TWNK: variants seen among roughly 807,000 people sequenced by gnomAD.
TWNK encodes the protein twinkle mtDNA helicase, also known as T7 gp4-like protein with intramitochondrial nucleoid localization.
Under a neutral mutation model 58.2 loss-of-function variants are expected in TWNK, and 36 were observed. The observed-to-expected ratio is 0.62, with a 90% confidence interval of 0.47 to 0.82. The LOEUF (loss-of-function observed/expected upper bound fraction) is 0.82. Among genes scored for constraint, TWNK ranks in the 40% least tolerant of loss-of-function variants. The pLI, the probability that TWNK is intolerant of heterozygous loss-of-function variation, is 0.00. For missense variants in TWNK, 714 were observed against 881.0 expected (o/e 0.81, Z 2.40); for synonymous variants, 349 against 348.5 (o/e 1.00, Z -0.02).
chr10:100,992,037 A>G (rs1245684883), intron 4 of TWNK, among the ~76,000 whole-genome samples: 1 of 143,376 alleles, frequency 7.0e-6, no homozygotes, highest in Non-Finnish European at 1.5e-5. Flanking sequence ...TATATATAAT[A>G]TATATATATT....
rs1851678063 is a variant in TWNK, at chr10:100,988,996, G to A, written c.786G>A (p.Leu262=). 1.9e-6 allele frequency: 3 copies of A among 1,614,194 alleles called. No individual in the cohort carries two copies. The highest frequency in any genetic ancestry group is 1.7e-6 in the Non-Finnish European group (2 of 1,180,030). ...LISRRDAEVV[L]TSRELDSLAL... The stretch of plus-strand genomic sequence containing the variant: ...GTCGTCGAGATGCTGAGGTGGTACT[G>A]ACGAGTCGTGAGCTTGACAGCCTGG... Residue 262 remains leucine (L), a synonymous_variant, in exon 1 of 5, where the codon CTG becomes CTA. Transcript: ENST00000311916. This position sits in a 1 kb window ranked among gnomAD's most constrained non-coding sequence, Gnocchi z 5.2.
Position 100,988,974 on chromosome 10 carries a change from G to C in TWNK, c.764G>C (p.Arg255Pro). The C allele has an allele frequency of 6.2e-7, 1 of 1,614,148 alleles. No individual in the cohort carries two copies. The change falls in exon 1 of 5, where the codon CGT (arginine) becomes CCT (proline). Residue 255 changes from arginine (R) to proline (P), a missense_variant. Arg to Pro is a moderately radical substitution (Grantham distance 103, BLOSUM62 -2). Transcript: ENST00000311916. This position sits in a 1 kb window ranked among gnomAD's most constrained non-coding sequence, Gnocchi z 5.2. ...CTGTTTGGATTACCACTGATTAGTC[G>C]TCGAGATGCTGAGGTGGTACTGACG... ...HNLFGLPLIS[R>P]RDAEVVLTSR...
Position 100,988,961 on chromosome 10 carries a change from C to G in TWNK, c.751C>G (p.Pro251Ala), listed in dbSNP as rs1851676617. 2 of 1,614,176 alleles carry G rather than the reference C, an allele frequency of 1.2e-6. No individual in the cohort carries two copies. The highest frequency in any genetic ancestry group is 1.3e-5 in the African/African-American group (1 of 75,036). Residue 251 changes from proline (P) to alanine (A), a missense_variant, in exon 1 of 5, where the codon CCA becomes GCA. By Grantham distance (27) the Pro-to-Ala change is conservative. Coordinates refer to ENST00000311916, the MANE Select transcript of TWNK (RefSeq NM_021830.5). This position sits in a 1 kb window ranked among gnomAD's most constrained non-coding sequence, Gnocchi z 5.2. ...CGCCTACCACAATCTGTTTGGATTA[C>G]CACTGATTAGTCGTCGAGATGCTGA... Reference protein sequence around the residue: ...PSAYHNLFGLPLISRRDAEVV... With the variant: ...PSAYHNLFGLALISRRDAEVV...
Position 100,993,086 on chromosome 10 carries a change from C to T in TWNK, c.1735-104C>T, listed in dbSNP as rs1851826899. On this transcript the variant is annotated intron_variant, in intron 4 of 4. Transcript: ENST00000311916. Reference sequence around the variant, plus strand: ...CAGGCGTGAGCCATTGTACCCAGCCCCTCTCCCCATTCTTATCACTCCTCC... The same window carrying T: ...CAGGCGTGAGCCATTGTACCCAGCCTCTCTCCCCATTCTTATCACTCCTCC... 14 of 1,229,454 alleles carry T rather than the reference C, an allele frequency of 1.1e-5. No individual in the cohort carries two copies. The Admixed American group carries it at 1.9e-4, about 16-fold the overall frequency. 76.2% of individuals were successfully genotyped at this position (1,229,454 alleles called of 1,614,324 possible).
chr10:100,988,628 T>C lies in TWNK; in HGVS notation c.418T>C (p.Phe140Leu). ...EGRGDGAREGFLLSKAPEFED... is the reference protein window; with the variant it reads ...EGRGDGAREGLLLSKAPEFED... Reference sequence around the variant, plus strand: ...GCGAGGGGATGGGGCCAGGGAGGGGTTTCTGCTTAGCAAGGCACCAGAATT... The same window carrying C: ...GCGAGGGGATGGGGCCAGGGAGGGGCTTCTGCTTAGCAAGGCACCAGAATT... Residue 140 changes from phenylalanine to leucine, a missense_variant, in exon 1 of 5, where the codon TTT (phenylalanine) becomes CTT (leucine). Physicochemically the swap from Phe to Leu is conservative, Grantham distance 22. Coordinates refer to ENST00000311916, the MANE Select transcript of TWNK (RefSeq NM_021830.5). This position sits in a 1 kb window ranked among gnomAD's most constrained non-coding sequence, Gnocchi z 5.2. 1 of 1,613,622 alleles carries C rather than the reference T, an allele frequency of 6.2e-7. No individual in the cohort carries two copies. Among genetic ancestry groups the C allele is most frequent in the Non-Finnish European group, 8.5e-7 (1 of 1,179,958 alleles).
rs150922430 is a variant in TWNK, at chr10:100,990,940, T to C, written c.1664T>C (p.Leu555Pro). 6.2e-7 allele frequency: 1 copy of C among 1,614,290 alleles called. No homozygotes were observed. The highest frequency in any genetic ancestry group is 8.5e-7 in the Non-Finnish European group (1 of 1,180,058). The change falls in exon 4 of 5, where the codon CTG (leucine) becomes CCG (proline). Residue 555 changes from leucine (L) to proline (P), a missense_variant. Physicochemically the swap from Leu to Pro is moderately conservative, Grantham distance 98 (BLOSUM62 -3). Around this residue, in one of 3 missense-constraint regions of TWNK, gnomAD observed 302 missense variants for 438.6 expected, o/e 0.69. Transcript: ENST00000311916. Reference protein sequence around the residue: ...FATDNNCHVTLVIHPRKEDDD... With the variant: ...FATDNNCHVTPVIHPRKEDDD... ...ACAGACAATAACTGCCATGTGACAC[T>C]GGTCATTCACCCCCGGAAAGAGGAT...
Position 100,993,699 on chromosome 10 carries a change from C to G in TWNK, c.*189C>G. 1 of 665,314 alleles carries G rather than the reference C, an allele frequency of 1.5e-6. No individual in the cohort carries two copies. 41.2% of individuals were successfully genotyped at this position (665,314 alleles called of 1,614,324 possible). A position where few individuals can be genotyped will look rare whatever the true frequency, so the allele number is the denominator to read the frequency against. The stretch of plus-strand genomic sequence containing the variant: ...ACTACTGAGAAACTACTGTGTTGCT[C>G]AGGCTTTGTTTGAGGTCCTGTATAT... On this transcript the variant is annotated 3_prime_UTR_variant, in exon 5 of 5. Coordinates refer to ENST00000311916, the MANE Select transcript of TWNK (RefSeq NM_021830.5).
chr10:100,989,396 C>G lies in TWNK; in HGVS notation c.1186C>G (p.Pro396Ala), dbSNP rs762511554. 1.2e-6 allele frequency: 2 copies of G among 1,614,194 alleles called. No individual in the cohort carries two copies. Among genetic ancestry groups the G allele is most frequent in the South Asian group, 2.2e-5 (2 of 91,084 alleles). ...QAAGLRWSRF[P>A]DLNRILKGHR... ...AGCTGGCCTCCGCTGGAGCCGCTTT[C>G]CAGACCTCAATCGTATCTTGAAGGG... Residue 396 changes from proline (P) to alanine (A), a missense_variant, in exon 1 of 5, where the codon CCA becomes GCA. Around this residue, in one of 3 missense-constraint regions of TWNK, gnomAD observed 302 missense variants for 438.6 expected, o/e 0.69. Transcript: ENST00000311916. This position sits in a 1 kb window ranked among gnomAD's most constrained non-coding sequence, Gnocchi z 7.6.
In TWNK at chr10:100,988,985, G is replaced by A; in HGVS notation, c.775G>A (p.Glu259Lys). 2 of 1,614,204 alleles carry A rather than the reference G, an allele frequency of 1.2e-6. No individual in the cohort carries two copies. The highest frequency in any genetic ancestry group is 1.3e-5 in the African/African-American group (1 of 75,038). ...ACCACTGATTAGTCGTCGAGATGCTGAGGTGGTACTGACGAGTCGTGAGCT... is the reference window on the plus strand; with the variant it reads ...ACCACTGATTAGTCGTCGAGATGCTAAGGTGGTACTGACGAGTCGTGAGCT... ...GLPLISRRDA[E>K]VVLTSRELDS... Residue 259 changes from glutamate (E) to lysine (K), a missense_variant, in exon 1 of 5, where the codon GAG becomes AAG. Glu to Lys is a moderately conservative substitution (Grantham distance 56). This residue lies in a region of TWNK where 348 missense variants were observed against 388.4 expected (regional missense o/e 0.90). Coordinates refer to ENST00000311916, the MANE Select transcript of TWNK (RefSeq NM_021830.5). The surrounding 1 kb of genome is among the most constrained non-coding windows in gnomAD (Gnocchi z 5.2).
At chr10:100,992,657 C>T (rs1169501169) in intron 4 of TWNK, among the ~76,000 whole-genome samples, 4 of 151,630 alleles carry the variant, frequency 2.6e-5, no homozygotes, top group African/African-American at 7.3e-5. Context: ...GGGAACAGCA[C>T]AGGCAGCGTC....
chr10:100,990,434 A>G lies in TWNK; in HGVS notation c.1485-2A>G. On this transcript the variant is annotated splice_acceptor_variant, in intron 2 of 4. Coordinates refer to ENST00000311916, the MANE Select transcript of TWNK (RefSeq NM_021830.5). LOFTEE classifies it high-confidence loss of function. ...CAAATTCCTTGCCTTTCCTCTTCCCAGGACTGTAATAGATACAATGCAACA... is the reference window on the plus strand; with the variant it reads ...CAAATTCCTTGCCTTTCCTCTTCCCGGGACTGTAATAGATACAATGCAACA... 1 of 1,612,132 alleles carries G rather than the reference A, an allele frequency of 6.2e-7. No individual in the cohort carries two copies. The highest frequency in any genetic ancestry group is 8.5e-7 in the Non-Finnish European group (1 of 1,178,192).
Position 100,989,467 on chromosome 10 carries a change from A to C in TWNK, c.1243+14A>C. 1 of 1,613,272 alleles carries C rather than the reference A, an allele frequency of 6.2e-7. No homozygotes were observed. The highest frequency in any genetic ancestry group is 1.7e-4 in the Middle Eastern group (1 of 6,042). On this transcript the variant is annotated intron_variant, in intron 1 of 4. Transcript: ENST00000311916. The surrounding 1 kb of genome is among the most constrained non-coding windows in gnomAD (Gnocchi z 7.6). ...CGGTCTTCACAGGTAACCCTTTGAG[A>C]AATCACTACTTAGAGTAAAGGGGCA... is the stretch of plus-strand genomic sequence containing the variant.
In TWNK at chr10:100,989,304, A is replaced by T; in HGVS notation, c.1094A>T (p.Lys365Met). Reference sequence around the variant, plus strand: ...CGTACCGCCCTGCCTGCCTGGCACAAGTCCATCGTATCTTTCCGGCAGCTT... The same window carrying T: ...CGTACCGCCCTGCCTGCCTGGCACATGTCCATCGTATCTTTCCGGCAGCTT... The part of the protein sequence containing the change: ...ILRTALPAWH[K>M]SIVSFRQLRE... Residue 365 changes from lysine (K) to methionine (M), a missense_variant, in exon 1 of 5, where the codon AAG becomes ATG. Coordinates refer to ENST00000311916, the MANE Select transcript of TWNK (RefSeq NM_021830.5). This position sits in a 1 kb window ranked among gnomAD's most constrained non-coding sequence, Gnocchi z 7.6. The T allele has an allele frequency of 1.2e-6, 2 of 1,614,184 alleles. No individual in the cohort carries two copies. Among genetic ancestry groups the T allele is most frequent in the Non-Finnish European group, 1.7e-6 (2 of 1,180,040 alleles).
chr10:100,989,453 G>C lies in TWNK; in HGVS notation c.1243G>C (p.Gly415Arg). The C allele has an allele frequency of 6.2e-7, 1 of 1,613,686 alleles. No individual in the cohort carries two copies. Among genetic ancestry groups the C allele is most frequent in the Non-Finnish European group, 8.5e-7 (1 of 1,180,020 alleles). ...HRKGELTVFTGPTGSGKTTFI... is the reference protein window; with the variant it reads ...HRKGELTVFTRPTGSGKTTFI... ...AAAGGGCGAGCTGACGGTCTTCACAGGTAACCCTTTGAGAAATCACTACTT... is the reference window on the plus strand; with the variant it reads ...AAAGGGCGAGCTGACGGTCTTCACACGTAACCCTTTGAGAAATCACTACTT... The change falls in exon 1 of 5, where the codon GGG becomes CGG. Residue 415 changes from glycine to arginine, a missense_variant and splice_region_variant. By Grantham distance (125) the Gly-to-Arg change is moderately radical. This residue lies in a region of TWNK where 302 missense variants were observed against 438.6 expected (regional missense o/e 0.69). Transcript: ENST00000311916. The surrounding 1 kb of genome is among the most constrained non-coding windows in gnomAD (Gnocchi z 7.6).
chr10:100,991,381 G>A (rs1218542303), intron 4 of TWNK: 1 of 351,738 alleles, frequency 2.8e-6, no homozygotes, highest in African/African-American at 2.1e-5. Context: ...TTGGGTTGAG[G>A]TTTGGTAGAC....
chr10:100,990,227 C>T (rs555425844), intron 2 of TWNK, among the ~76,000 whole-genome samples: 1 of 152,300 alleles, frequency 6.6e-6, no homozygotes, highest in African/African-American at 2.4e-5. Flanking sequence ...GTAAGAGGAT[C>T]GCTTGAGCCT....
At position 100,993,098 on chromosome 10, in the gene TWNK, C is replaced by G. The variant is rs1851827107; in HGVS notation, c.1735-92C>G. ...ATTGTACCCAGCCCCTCTCCCCATT[C>G]TTATCACTCCTCCCTGCCCTGTCAG... On this transcript the variant is annotated intron_variant, in intron 4 of 4. Coordinates refer to ENST00000311916, the MANE Select transcript of TWNK (RefSeq NM_021830.5). 3.6e-6 allele frequency: 5 copies of G among 1,379,470 alleles called. No individual in the cohort carries two copies. The Admixed American group carries it at 6.7e-5, about 19-fold the overall frequency. The allele number at this position is 1,379,470 out of a possible 1,614,324, so 85.5% of individuals were successfully genotyped here.
rs762849049 is a variant in TWNK, at chr10:100,988,789, C to T, written c.579C>T (p.Phe193=). Residue 193 remains phenylalanine, a synonymous_variant, in exon 1 of 5, where the codon TTC becomes TTT. Transcript: ENST00000311916. The surrounding 1 kb of genome is among the most constrained non-coding windows in gnomAD (Gnocchi z 5.2). ...TKVTDDTLKR[F]SVRYLRPARS... The stretch of plus-strand genomic sequence containing the variant: ...TTACAGATGACACACTCAAGCGTTT[C>T]AGTGTGCGATATCTGCGACCTGCTC... 2.5e-6 allele frequency: 4 copies of T among 1,614,202 alleles called. No individual in the cohort carries two copies. Among genetic ancestry groups the T allele is most frequent in the Admixed American group, 3.3e-5 (2 of 60,030 alleles).
chr10:100,992,540 A>G lies in TWNK; in HGVS notation c.1735-650A>G, dbSNP rs866161568. On this transcript the variant is annotated intron_variant, in intron 4 of 4. Transcript: ENST00000311916. ...GAGACCCTGTCTTTAAAAAAAAAAA[A>G]AAAAAAAAAAAAAGAATGGTCTCCT... 2.7e-5 allele frequency among the ~76,000 whole-genome samples: 4 copies of G among 149,742 alleles called. No homozygotes were observed. The South Asian group carries it at 8.5e-4, about 32-fold the overall frequency.
Sources: gnomAD v4.1 joint callset for allele counts (sites outside exome capture counted in the v4.1 genomes callset) on GRCh38, gnomAD v4.1.1 for gene constraint, gnomAD v4.1.1 regional missense constraint, Gnocchi (gnomAD v3.1) non-coding constraint, MANE v1.5 for transcripts, NCBI Gene and HGNC (gene_info 2026-07-23, HGNC 2026-07-21) for gene names.